Variants in TSPAN19 observed in about 807,000 individuals in gnomAD.
TSPAN19 encodes tetraspanin 19.
Under a neutral mutation model 35.1 loss-of-function variants are expected in TSPAN19, and 44 were observed. That is an observed-to-expected ratio of 1.25 (90% CI 0.98 to 1.61). The LOEUF (loss-of-function observed/expected upper bound fraction) is 1.61. Ranked by LOEUF, TSPAN19 falls within the 40% of genes most tolerant of loss-of-function variation. The pLI is 0.00. For missense variants in TSPAN19, 290 were observed against 280.0 expected, an observed-to-expected ratio of 1.04 and a Z score of -0.26; for synonymous variants, 79 against 92.0, an observed-to-expected ratio of 0.86 and a Z score of 0.81.
rs562449513 is a variant in TSPAN19 at position 85,021,975 on chromosome 12, T to A, written c.339+1351A>T. ...CACAGTCTCTGGCACATGGTAGTTA[T>A]TAATCAGTTCTTATTTCTAATATAT... On this transcript the variant is annotated intron_variant, in intron 5 of 8. Coordinates refer to ENST00000532498, the MANE Select transcript of TSPAN19 (RefSeq NM_001100917.2). 5.9e-5 allele frequency among the ~76,000 whole-genome samples: 9 copies of A among 152,288 alleles called. No individual in the cohort carries two copies. In the East Asian group the frequency reaches 1.7e-3, roughly 29 times the overall value.
At chr12:85,020,790 T>G (rs750474229) in intron 5 of TSPAN19, among the ~76,000 whole-genome samples, 1 of 152,100 alleles carries the variant, frequency 6.6e-6, no homozygotes, top group Non-Finnish European at 1.5e-5. Context: ...CACTTTCACA[T>G]GACTGTCCAC....
intron 4 of TSPAN19, among the ~76,000 whole-genome samples, chr12:85,026,766 A>G (rs1372047331): frequency 6.6e-6 from 1 of 152,058 alleles, no homozygotes; most frequent in Non-Finnish European, 1.5e-5. Context: ...TAAATACTAG[A>G]TGAATAGCAG....
chr12:85,023,524 G>C (rs12578769), intron 4 of TSPAN19, 124 bp from the exon 5 acceptor site: 6,755 of 641,014 alleles, frequency 0.011, 203 homozygotes, highest in East Asian at 0.097. Context: ...GTATTGCTGA[G>C]GCTTCCTGCC....
In TSPAN19 at chr12:85,023,203, T is replaced by G. The variant is rs1877212914; in HGVS notation, c.339+123A>C. The stretch of plus-strand genomic sequence containing the variant: ...TCTAGTACTTTTGTTAAATATTATT[T>G]TCCCCTAAAGAAATTTACCTTTGGC... On this transcript the variant is annotated intron_variant, in intron 5 of 8. Transcript: ENST00000532498. The G allele has an allele frequency of 1.9e-5, 15 of 794,642 alleles. 1 individual carries two copies. In the South Asian group the frequency reaches 2.7e-4, roughly 14 times the overall value. 49.2% of individuals were successfully genotyped at this position (794,642 alleles called of 1,614,324 possible).
In TSPAN19 at chr12:85,023,382, A is replaced by G. The variant is rs1452436470; in HGVS notation, c.283T>C (p.Trp95Arg). 1.3e-6 allele frequency: 2 copies of G among 1,585,798 alleles called. No homozygotes were observed. Among genetic ancestry groups the G allele is most frequent in the Non-Finnish European group, 8.6e-7 (1 of 1,164,838 alleles). Residue 95 changes from tryptophan (W) to arginine (R), a missense_variant, in exon 5 of 9, where the codon TGG becomes CGG. By Grantham distance (101) the Trp-to-Arg change is moderately radical. Transcript: ENST00000532498. ...LLIVYAVLITWTFAVQVVLSA... is the reference protein window; with the variant it reads ...LLIVYAVLITRTFAVQVVLSA... Reference sequence around the variant, plus strand: ...AGTACAACCTGAACAGCAAAGGTCCATGTTATCAATACTGCATACTAAAAC... The same window carrying G: ...AGTACAACCTGAACAGCAAAGGTCCGTGTTATCAATACTGCATACTAAAAC...
At chr12:85,032,614 A>G (rs556234984) in intron 1 of TSPAN19, among the ~76,000 whole-genome samples, 3 of 152,278 alleles carry the variant, frequency 2.0e-5, no homozygotes, top group African/African-American at 7.2e-5. Context: ...GAAGCCCATG[A>G]CTATGTTTAC....
intron 1 of TSPAN19, chr12:85,035,313 C>G (rs1424079974): frequency 2.0e-5 from 3 of 151,700 alleles, no homozygotes; most frequent in African/African-American, 7.3e-5. Flanking sequence ...GCAATAAAAC[C>G]AAACTTAAAA....
chr12:85,032,488 A>T, intron 1 of TSPAN19, among the ~76,000 whole-genome samples: 1 of 152,154 alleles, frequency 6.6e-6, no homozygotes, highest in Non-Finnish European at 1.5e-5. Flanking sequence ...GTGAGAACTT[A>T]GTAAGCGCAA....
At chr12:85,033,747 T>G (rs1338429108) in intron 1 of TSPAN19, among the ~76,000 whole-genome samples, 1 of 152,142 alleles carries the variant, frequency 6.6e-6, no homozygotes, top group Non-Finnish European at 1.5e-5. Context: ...TTTAACTCCA[T>G]TGATATAAAC....
chr12:85,023,011 T>G (rs992194658), intron 5 of TSPAN19, among the ~76,000 whole-genome samples: 22 of 151,898 alleles, frequency 1.4e-4, no homozygotes, highest in Non-Finnish European at 2.8e-4. Flanking sequence ...GTAGTCAGAG[T>G]TGGTAAGAGG....
chr12:85,029,951 T>G lies in TSPAN19; in HGVS notation c.-5A>C, dbSNP rs1818848234. The G allele has an allele frequency of 6.9e-7, 1 of 1,444,756 alleles. No individual in the cohort carries two copies. Among genetic ancestry groups the G allele is most frequent in the Non-Finnish European group, 9.3e-7 (1 of 1,072,376 alleles). 89.5% of individuals were successfully genotyped at this position (1,444,756 alleles called of 1,614,324 possible). On this transcript the variant is annotated 5_prime_UTR_variant, in exon 2 of 9. Transcript: ENST00000532498. ...TGTTTTGTTATTTCTTAACATTCTT[T>G]TTCTTCCAAGATATTGATGATTCTG... is the stretch of plus-strand genomic sequence containing the variant.
chr12:85,029,569 A>T (rs1183842268), intron 3 of TSPAN19, 150 bp downstream of exon 3: 25 of 727,352 alleles, frequency 3.4e-5, no homozygotes, highest in Non-Finnish European at 2.6e-5. Flanking sequence ...CCTTTAAAAA[A>T]TCTCTACAAC....
At chr12:85,022,888 A>G (rs1877198743) in intron 5 of TSPAN19, among the ~76,000 whole-genome samples, 1 of 152,130 alleles carries the variant, frequency 6.6e-6, no homozygotes, top group Non-Finnish European at 1.5e-5. Context: ...CCTGTGGAAA[A>G]TATAGGAATT....
intron 7 of TSPAN19, 61 bp from the exon 8 acceptor site, chr12:85,016,032 T>G: frequency 2.8e-6 from 3 of 1,057,326 alleles, no homozygotes; most frequent in Non-Finnish European, 4.0e-6. Context: ...ACATAAATCT[T>G]TACAAAAAAT....
intron 2 of TSPAN19, 22 bp downstream of exon 2, chr12:85,029,859 G>A (rs2135815249): frequency 6.6e-7 from 1 of 1,506,172 alleles, no homozygotes; most frequent in South Asian, 1.3e-5. Context: ...TTTCTTTACT[G>A]TATAATTATG....
intron 4 of TSPAN19, among the ~76,000 whole-genome samples, chr12:85,026,970 A>T (rs1423912028): frequency 6.6e-6 from 1 of 152,174 alleles, no homozygotes; most frequent in East Asian, 1.9e-4. Context: ...GGACAAAATG[A>T]CAGCAGCTGA....
intron 3 of TSPAN19, among the ~76,000 whole-genome samples, chr12:85,029,419 G>C (rs1725255059): frequency 6.6e-6 from 1 of 152,026 alleles, no homozygotes; most frequent in South Asian, 2.1e-4. Context: ...TCTCAAATAT[G>C]TATCATTTTT....
chr12:85,015,763 A>G, intron 8 of TSPAN19, 125 bp downstream of exon 8: 2 of 627,566 alleles, frequency 3.2e-6, no homozygotes, highest in Non-Finnish European at 5.2e-6. Flanking sequence ...GGATGTAAAG[A>G]GCCTCAAAGT....
At chr12:85,030,082 A>G in intron 1 of TSPAN19, 109 bp from the exon 2 acceptor site, 1 of 861,766 alleles carries the variant, frequency 1.2e-6, no homozygotes. Flanking sequence ...AATTATCAGT[A>G]TAACATACTT....
Sources: gnomAD v4.1 joint callset for allele counts (sites outside exome capture counted in the v4.1 genomes callset) on GRCh38, gnomAD v4.1.1 for gene constraint, MANE v1.5 for transcripts, NCBI Gene and HGNC (gene_info 2026-07-23, HGNC 2026-07-21) for gene names.